Variants in SLC35F5 observed in about 807,000 individuals in gnomAD.
SLC35F5 encodes solute carrier family 35 member F5.
Under a neutral mutation model 68.6 loss-of-function variants are expected in SLC35F5, and 54 were observed. The ratio of observed to expected loss-of-function variants is 0.79; its 90% CI spans 0.63 to 0.99. The LOEUF is 0.99. SLC35F5 is among the 50% of genes least tolerant of loss of function. The pLI is 0.00. For missense variants in SLC35F5, 567 were observed against 626.9 expected (o/e 0.90, Z 1.02); for synonymous variants, 211 against 205.2 (o/e 1.03, Z -0.24).
At chr2:113,734,750 T>A in intron 8 of SLC35F5, 77 bp from the exon 9 acceptor site, 1 of 826,378 alleles carries the variant, frequency 1.2e-6, no homozygotes, top group Non-Finnish European at 1.9e-6. Context: ...CTTCATTGTT[T>A]AAATAAGCAA....
At chr2:113,752,142 G>T (rs1676770196) in intron 3 of SLC35F5, among the ~76,000 whole-genome samples, 1 of 151,398 alleles carries the variant, frequency 6.6e-6, no homozygotes, top group South Asian at 2.1e-4. Flanking sequence ...AACCTGGGAG[G>T]CGGAGATTGC....
At chr2:113,736,394 A>C (rs1186028231) in intron 7 of SLC35F5, among the ~76,000 whole-genome samples, 1 of 151,902 alleles carries the variant, frequency 6.6e-6, no homozygotes. Flanking sequence ...GCAGTGAGGC[A>C]TAACTGCCTC....
rs1240754993 is a variant in SLC35F5, at chr2:113,715,072, G to A, written c.*146C>T. ...TTATGAAAATGAAGAAAACAGGTAT[G>A]AGAAAAATATATTTTAGAGTTTCAA... On this transcript the variant is annotated 3_prime_UTR_variant, in exon 16 of 16. Transcript: ENST00000245680. 6.6e-6 allele frequency: 1 copy of A among 152,504 alleles called. No individual in the cohort carries two copies. Among genetic ancestry groups the A allele is most frequent in the Admixed American group, 6.6e-5 (1 of 15,266 alleles). The allele number at this position is 152,504 out of a possible 1,614,324, so 9.4% of individuals were successfully genotyped here.
chr2:113,750,622 C>A, intron 3 of SLC35F5, 54 bp from the exon 4 acceptor site: 1 of 1,408,740 alleles, frequency 7.1e-7, no homozygotes. Context: ...AACCTTATTA[C>A]TCATCTCCAA....
Position 113,756,401 on chromosome 2 carries a change from CG to C in SLC35F5, c.8del (p.Pro3ArgfsTer14). The C allele has an allele frequency of 6.4e-7, 1 of 1,561,646 alleles. No individual in the cohort carries two copies. ...TTCCTGCCCCGCGATGGCGTCGTGG[CG>C]GCACCATGAGCGGACCGGTCAGGCC... The part of the protein sequence containing the change: MV[P>X]PRRHRGAGRP... On this transcript the variant is annotated frameshift_variant, in exon 1 of 16. Coordinates refer to ENST00000245680, the MANE Select transcript of SLC35F5 (RefSeq NM_025181.5). LOFTEE classifies it high-confidence loss of function.
At chr2:113,728,317 T>A (rs796731042) in intron 11 of SLC35F5, among the ~76,000 whole-genome samples, 4 of 152,176 alleles carry the variant, frequency 2.6e-5, no homozygotes, top group African/African-American at 7.2e-5. Flanking sequence ...TTAAAAAAAA[T>A]TAAATAGAAA....
rs1229185127 is a variant in SLC35F5, at chr2:113,756,351, C to G, written c.40+19G>C. The G allele has an allele frequency of 6.4e-7, 1 of 1,567,658 alleles. No individual in the cohort carries two copies. The highest frequency in any genetic ancestry group is 1.4e-5 in the African/African-American group (1 of 73,640). ...GGTTTGGGCTCCGGTGATGTCGGGG[C>G]CCTTCCCTGCCTGCCTACCTGGCCT... On this transcript the variant is annotated intron_variant, in intron 1 of 15. Coordinates refer to ENST00000245680, the MANE Select transcript of SLC35F5 (RefSeq NM_025181.5).
intron 11 of SLC35F5, among the ~76,000 whole-genome samples, chr2:113,729,171 A>C (rs751854705): frequency 6.6e-5 from 10 of 152,220 alleles, no homozygotes; most frequent in Non-Finnish European, 1.5e-4. Flanking sequence ...AAAAAGTGTT[A>C]GGAGTTTCTT....
chr2:113,704,235 T>C (rs1574189430), downstream of SLC35F5, among the ~76,000 whole-genome samples: 2 of 152,308 alleles, frequency 1.3e-5, no homozygotes, highest in East Asian at 3.9e-4. Flanking sequence ...ATCCTCTGAT[T>C]GGTCCATTTT....
intron 13 of SLC35F5, chr2:113,719,572 C>T (rs1352109446): frequency 1.1e-5 from 3 of 275,822 alleles, no homozygotes; most frequent in African/African-American, 6.7e-5. Flanking sequence ...GCATACTTTC[C>T]ATTTATAGGC....
chr2:113,751,496 C>T (rs1288341981), intron 3 of SLC35F5, among the ~76,000 whole-genome samples: 1 of 152,134 alleles, frequency 6.6e-6, no homozygotes, highest in Non-Finnish European at 1.5e-5. Context: ...TGGTGGTCCA[C>T]GCCATTTTAC....
intron 10 of SLC35F5, 24 bp from the exon 11 acceptor site, chr2:113,729,529 A>G (rs375761670): frequency 7.7e-7 from 1 of 1,295,024 alleles, no homozygotes; most frequent in Admixed American, 1.9e-5. Context: ...CATGATTTAA[A>G]GCAATCACTC....
intron 3 of SLC35F5, among the ~76,000 whole-genome samples, chr2:113,754,894 C>T (rs1676902023): frequency 6.6e-6 from 1 of 151,986 alleles, no homozygotes; most frequent in Non-Finnish European, 1.5e-5. Flanking sequence ...GAAAAAAAGC[C>T]ACGAGTTACA....
chr2:113,746,073 C>T (rs755650314), intron 5 of SLC35F5, among the ~76,000 whole-genome samples: 5 of 152,300 alleles, frequency 3.3e-5, no homozygotes, highest in Admixed American at 2.0e-4. Context: ...CCTCTCTCTT[C>T]AGAGGCAGCT....
At chr2:113,747,346 G>A (rs760207471) in intron 4 of SLC35F5, among the ~76,000 whole-genome samples, 4 of 151,338 alleles carry the variant, frequency 2.6e-5, no homozygotes, top group Non-Finnish European at 5.9e-5. Flanking sequence ...GAATCACTGC[G>A]CTAATGCTAT....
chr2:113,720,985 AT>A (rs927733212), intron 13 of SLC35F5, among the ~76,000 whole-genome samples: 9 of 151,864 alleles, frequency 5.9e-5, no homozygotes, highest in South Asian at 2.1e-4. Context: ...TGTAAACAAA[AT>A]TTTTTTTTCT....
At chr2:113,745,152 A>G (rs1420802735) in intron 5 of SLC35F5, among the ~76,000 whole-genome samples, 1 of 152,210 alleles carries the variant, frequency 6.6e-6, no homozygotes, top group African/African-American at 2.4e-5. Flanking sequence ...TCTTACAGAT[A>G]ATAGTAAGAA....
chr2:113,749,997 CA>C, intron 4 of SLC35F5, among the ~76,000 whole-genome samples: 1 of 152,160 alleles, frequency 6.6e-6, no homozygotes. Flanking sequence ...ATTAGCCAAA[CA>C]TCTAAAATAC....
chr2:113,751,253 G>C (rs1676725338), intron 3 of SLC35F5, among the ~76,000 whole-genome samples: 1 of 152,240 alleles, frequency 6.6e-6, no homozygotes. Context: ...CATGTGCCAA[G>C]TAACAAGAGA....
Sources: gnomAD v4.1 joint callset for allele counts (sites outside exome capture counted in the v4.1 genomes callset) on GRCh38, gnomAD v4.1.1 for gene constraint, MANE v1.5 for transcripts, NCBI Gene and HGNC (gene_info 2026-07-23, HGNC 2026-07-21) for gene names.